Variants in CSNK1G1 observed in about 807,000 individuals in gnomAD.
CSNK1G1 encodes the protein casein kinase I isoform gamma-1.
CSNK1G1 carries 22 observed loss-of-function variants against 59.6 expected under a neutral mutation model. The ratio of observed to expected loss-of-function variants is 0.37; its 90% CI spans 0.26 to 0.53. The LOEUF (loss-of-function observed/expected upper bound fraction) is 0.53. Ranked by LOEUF, CSNK1G1 falls within the 20% of genes least tolerant of loss-of-function variation. The probability of loss-of-function intolerance (pLI) is 0.89; values close to 1 mark genes in which losing one functional copy is unlikely to be tolerated. For synonymous variants in CSNK1G1, 179 were observed against 177.1 expected, an observed-to-expected ratio of 1.01 and a Z score of -0.08; for missense variants, 384 against 519.5, an observed-to-expected ratio of 0.74 and a Z score of 2.54.
intron 4 of CSNK1G1, among the ~76,000 whole-genome samples, chr15:64,218,488 G>A (rs1196347020): frequency 6.6e-6 from 1 of 151,714 alleles, no homozygotes; most frequent in Non-Finnish European, 1.5e-5. Context: ...CGCCTCCTGG[G>A]TTCAAGCAAT....
At chr15:64,293,740 G>A (rs1316359109) in intron 2 of CSNK1G1, among the ~76,000 whole-genome samples, 3 of 152,188 alleles carry the variant, frequency 2.0e-5, no homozygotes, top group Non-Finnish European at 4.4e-5. Flanking sequence ...TGAAAGATCA[G>A]TGGCAGCATT....
chr15:64,262,087 G>A (rs1892725263), intron 2 of CSNK1G1, among the ~76,000 whole-genome samples: 2 of 152,166 alleles, frequency 1.3e-5, no homozygotes, highest in Non-Finnish European at 2.9e-5. Context: ...GCATTGTGAG[G>A]TAGTACAAGA....
intron 4 of CSNK1G1, among the ~76,000 whole-genome samples, chr15:64,250,220 A>AAC (rs1566919494): frequency 6.6e-6 from 1 of 152,158 alleles, no homozygotes; most frequent in African/African-American, 2.4e-5. Context: ...TTATGCCAAA[A>AAC]ACACTCCAAT....
At chr15:64,244,478 CA>C (rs1326300385) in intron 4 of CSNK1G1, among the ~76,000 whole-genome samples, 1 of 151,590 alleles carries the variant, frequency 6.6e-6, no homozygotes, top group Non-Finnish European at 1.5e-5. Context: ...AGCTTCAACA[CA>C]ATCCATATCA....
chr15:64,354,034 G>A (rs755380332), intron 1 of CSNK1G1, among the ~76,000 whole-genome samples: 7 of 152,090 alleles, frequency 4.6e-5, no homozygotes, highest in African/African-American at 9.7e-5. Context: ...GGCCGGGCAC[G>A]GTGGCTCACA....
chr15:64,196,120 G>A (rs1295625330), intron 10 of CSNK1G1, among the ~76,000 whole-genome samples: 1 of 152,052 alleles, frequency 6.6e-6, no homozygotes, highest in African/African-American at 2.4e-5. Flanking sequence ...GGGAGGCTGG[G>A]GTGGGAGGAT....
intron 1 of CSNK1G1, among the ~76,000 whole-genome samples, chr15:64,310,656 G>T (rs1895943977): frequency 6.6e-6 from 1 of 152,036 alleles, no homozygotes. Context: ...GTTCGAGGTT[G>T]CAGTGAGCTA....
At chr15:64,215,860 T>A (rs1207504669) in intron 5 of CSNK1G1, among the ~76,000 whole-genome samples, 1 of 152,138 alleles carries the variant, frequency 6.6e-6, no homozygotes, top group Non-Finnish European at 1.5e-5. Flanking sequence ...GTGCAATGGG[T>A]TATAACATCA....
chr15:64,219,117 A>G (rs1241756116), intron 4 of CSNK1G1, among the ~76,000 whole-genome samples: 2 of 152,064 alleles, frequency 1.3e-5, no homozygotes, highest in Non-Finnish European at 2.9e-5. Flanking sequence ...AGCCTCCCGA[A>G]GTGCTGGGAT....
intron 10 of CSNK1G1, chr15:64,181,385 G>C: frequency 2.0e-6 from 3 of 1,535,842 alleles, no homozygotes; most frequent in Non-Finnish European, 1.7e-6. Flanking sequence ...AGTGGGAAAA[G>C]GGGCCTCACT....
chr15:64,273,447 A>G (rs1351646833), intron 2 of CSNK1G1, among the ~76,000 whole-genome samples: 1 of 152,210 alleles, frequency 6.6e-6, no homozygotes, highest in Non-Finnish European at 1.5e-5. Flanking sequence ...ATATGTGTAA[A>G]TATTTTGTAA....
chr15:64,326,843 G>T (rs1232939003), intron 1 of CSNK1G1, among the ~76,000 whole-genome samples: 1 of 151,166 alleles, frequency 6.6e-6, no homozygotes, highest in Admixed American at 6.6e-5. Flanking sequence ...GAAGCAGGGC[G>T]AGGCATTGCC....
chr15:64,180,162 G>A (rs977889474), intron 11 of CSNK1G1, 186 bp downstream of exon 11: 6 of 560,088 alleles, frequency 1.1e-5, no homozygotes, highest in East Asian at 5.8e-5. Context: ...TGTCTTCCCC[G>A]AAATCACAGC....
In CSNK1G1 at chr15:64,300,555, T is replaced by A. The variant is rs1015609495; in HGVS notation, c.-56A>T. ...AGCAAGTAGCTTCAGTATGTATACC[T>A]CTCTTCAATACAAAAGTATGTCCAA... On this transcript the variant is annotated 5_prime_UTR_variant, in exon 2 of 12. Transcript: ENST00000303052. The A allele has an allele frequency of 6.5e-7, 1 of 1,531,432 alleles. No homozygotes were observed. Among genetic ancestry groups the A allele is most frequent in the Non-Finnish European group, 8.8e-7 (1 of 1,137,032 alleles). 94.9% of individuals were successfully genotyped at this position (1,531,432 alleles called of 1,614,324 possible).
chr15:64,279,678 C>T (rs1251273395), intron 2 of CSNK1G1, among the ~76,000 whole-genome samples: 4 of 151,924 alleles, frequency 2.6e-5, no homozygotes, highest in East Asian at 1.9e-4. Context: ...AGTATTCATA[C>T]ACAGAAACAA....
At chr15:64,353,858 C>T (rs1367883925) in intron 1 of CSNK1G1, among the ~76,000 whole-genome samples, 1 of 152,042 alleles carries the variant, frequency 6.6e-6, no homozygotes, top group African/African-American at 2.4e-5. Context: ...AAACAGACTT[C>T]ATGTTTCTTG....
intron 1 of CSNK1G1, among the ~76,000 whole-genome samples, chr15:64,350,139 C>T (rs1389479120): frequency 6.6e-6 from 1 of 151,976 alleles, no homozygotes; most frequent in Non-Finnish European, 1.5e-5. Flanking sequence ...TCTAAAATAT[C>T]TTTTTATCAA....
At chr15:64,185,821 T>G (rs1232347735) in intron 10 of CSNK1G1, among the ~76,000 whole-genome samples, 1 of 138,622 alleles carries the variant, frequency 7.2e-6, no homozygotes, top group Non-Finnish European at 1.5e-5. Flanking sequence ...AAGATCGCGC[T>G]ACTGCACTCC....
intron 1 of CSNK1G1, among the ~76,000 whole-genome samples, chr15:64,313,995 G>C (rs1333965481): frequency 6.6e-6 from 1 of 152,112 alleles, no homozygotes; most frequent in Non-Finnish European, 1.5e-5. Flanking sequence ...AGAACTTCTA[G>C]TGTAGAGAGG....
Sources: allele counts gnomAD v4.1 joint callset (sites outside exome capture counted in the v4.1 genomes callset), GRCh38; gene constraint gnomAD v4.1.1; transcripts MANE v1.5; gene names NCBI Gene and HGNC (gene_info 2026-07-23, HGNC 2026-07-21).